Variants in TNS3 observed in about 807,000 individuals in gnomAD.
The protein encoded by TNS3 is tensin 3.
TNS3 carries 45 observed loss-of-function variants against 140.9 expected under a neutral mutation model. The ratio of observed to expected loss-of-function variants is 0.32; its 90% CI spans 0.25 to 0.41. The LOEUF is 0.41. Among genes scored for constraint, TNS3 ranks in the 10% least tolerant of loss-of-function variants. The probability of loss-of-function intolerance (pLI) is 1.00; values close to 1 mark genes in which losing one functional copy is unlikely to be tolerated. For missense variants in TNS3, 1,716 were observed against 1,906.7 expected (o/e 0.90, Z 1.86); for synonymous variants, 815 against 788.4 (o/e 1.03, Z -0.56).
intron 3 of TNS3, among the ~76,000 whole-genome samples, chr7:47,495,320 G>A (rs764636570): frequency 2.6e-5 from 4 of 152,092 alleles, no homozygotes; most frequent in African/African-American, 7.2e-5. Flanking sequence ...CTTCAGTGCC[G>A]CACATCAACT....
intron 17 of TNS3, among the ~76,000 whole-genome samples, chr7:47,366,918 G>A (rs901687538): frequency 3.3e-5 from 5 of 152,188 alleles, no homozygotes; most frequent in African/African-American, 7.2e-5. Context: ...TCACATGCAC[G>A]GCGTCACACA....
chr7:47,292,979 T>C (rs2150620096), intron 25 of TNS3, 74 bp from the exon 26 acceptor site: 3 of 1,358,894 alleles, frequency 2.2e-6, no homozygotes, highest in Non-Finnish European at 3.1e-6. Context: ...ATTTATCAGC[T>C]GGAATGAAAC....
intron 4 of TNS3, among the ~76,000 whole-genome samples, chr7:47,454,602 G>A (rs1439186669): frequency 6.9e-6 from 1 of 145,792 alleles, no homozygotes; most frequent in East Asian, 2.0e-4. Flanking sequence ...ATGGGGAGGG[G>A]CTGCTCTGGG....
At chr7:47,347,867 G>A (rs1257061044) in intron 17 of TNS3, among the ~76,000 whole-genome samples, 1 of 152,144 alleles carries the variant, frequency 6.6e-6, no homozygotes. Context: ...GGTAAAATGA[G>A]CATAATGCTT....
intron 4 of TNS3, among the ~76,000 whole-genome samples, chr7:47,477,285 G>A (rs963181579): frequency 1.3e-5 from 2 of 152,132 alleles, no homozygotes; most frequent in East Asian, 1.9e-4. Flanking sequence ...AGCTCACCTC[G>A]ATAAAACATG....
intron 1 of TNS3, among the ~76,000 whole-genome samples, chr7:47,530,412 CAT>C (rs1037797323): frequency 1.3e-5 from 2 of 151,992 alleles, no homozygotes; most frequent in Non-Finnish European, 2.9e-5. Context: ...ACCAACATAA[CAT>C]ATGTGTAATG....
chr7:47,446,469 T>A (rs548645559), intron 4 of TNS3, among the ~76,000 whole-genome samples: 1 of 152,168 alleles, frequency 6.6e-6, no homozygotes, highest in East Asian at 1.9e-4. Context: ...CTTCTTTTGT[T>A]CTCTTGTTTT....
At chr7:47,327,476 A>T (rs951116914) in intron 20 of TNS3, among the ~76,000 whole-genome samples, 1 of 152,150 alleles carries the variant, frequency 6.6e-6, no homozygotes, top group Non-Finnish European at 1.5e-5. Context: ...GCTGCCCGGG[A>T]TCCCTCAAGG....
intron 17 of TNS3, among the ~76,000 whole-genome samples, chr7:47,349,305 C>T (rs1433912248): frequency 1.3e-5 from 2 of 152,250 alleles, no homozygotes; most frequent in South Asian, 2.1e-4. Flanking sequence ...GTCCCACCTC[C>T]GGTGCTTGTG....
rs1162294865 is a variant in TNS3 at position 47,344,758 on chromosome 7, G to C, written c.2647C>G (p.Arg883Gly). Reference sequence around the variant, plus strand: ...GACCCGCGGGTAGATTTCTTACCACGTCCTCCTTTGTGCTGACTGGCTGGG... The same window carrying C: ...GACCCGCGGGTAGATTTCTTACCACCTCCTCCTTTGTGCTGACTGGCTGGG... ...SSPASQHKGG[R>G]EPRSCPETLT... The change falls in exon 20 of 31, where the codon CGT (arginine) becomes GGT (glycine). Residue 883 changes from arginine to glycine, a missense_variant. Physicochemically the swap from Arg to Gly is moderately radical, Grantham distance 125 (BLOSUM62 -2). Around this residue, in one of 3 missense-constraint regions of TNS3, gnomAD observed 1,163 missense variants for 1,182.1 expected, o/e 0.98. Coordinates refer to ENST00000311160, the MANE Select transcript of TNS3 (RefSeq NM_022748.12). 3 of 1,611,280 alleles carry C rather than the reference G, an allele frequency of 1.9e-6. No individual in the cohort carries two copies. The highest frequency in any genetic ancestry group is 2.5e-6 in the Non-Finnish European group (3 of 1,179,090).
At position 47,302,929 on chromosome 7, in the gene TNS3, A is replaced by C. The variant is rs976674041; in HGVS notation, c.3457+21T>G. The C allele has an allele frequency of 3.2e-6, 5 of 1,574,044 alleles. No individual in the cohort carries two copies. In the African/African-American group the frequency reaches 6.8e-5, roughly 21 times the overall value. ...GTGAATGGACAGAGGGGCCCTTCCA[A>C]CCAGCTGGAAACACACCTACCTGGC... On this transcript the variant is annotated intron_variant, in intron 22 of 30. Coordinates refer to ENST00000311160, the MANE Select transcript of TNS3 (RefSeq NM_022748.12).
intron 4 of TNS3, among the ~76,000 whole-genome samples, chr7:47,469,081 A>G: frequency 6.6e-6 from 1 of 152,222 alleles, no homozygotes. Context: ...CGTATATAAA[A>G]ACTAACCCAA....
At chr7:47,492,029 T>C (rs1224754605) in intron 3 of TNS3, among the ~76,000 whole-genome samples, 2 of 152,228 alleles carry the variant, frequency 1.3e-5, no homozygotes, top group Non-Finnish European at 2.9e-5. Flanking sequence ...GATTTATTCA[T>C]GTTTAACATA....
chr7:47,451,648 A>T (rs1285492106), intron 4 of TNS3, among the ~76,000 whole-genome samples: 1 of 152,224 alleles, frequency 6.6e-6, no homozygotes, highest in African/African-American at 2.4e-5. Flanking sequence ...GACTATGAAC[A>T]GCCCGGTGAC....
intron 1 of TNS3, among the ~76,000 whole-genome samples, chr7:47,548,268 G>A (rs1234489916): frequency 6.6e-6 from 1 of 152,092 alleles, no homozygotes; most frequent in Non-Finnish European, 1.5e-5. Flanking sequence ...ACAGCCTGCT[G>A]TAACACATCC....
chr7:47,495,352 G>C (rs1486115014), intron 3 of TNS3, among the ~76,000 whole-genome samples: 1 of 152,224 alleles, frequency 6.6e-6, no homozygotes, highest in African/African-American at 2.4e-5. Context: ...CTGTGGTCTA[G>C]GGGGCTGAGA....
chr7:47,562,236 C>G (rs1412447080), intron 1 of TNS3, among the ~76,000 whole-genome samples: 1 of 152,118 alleles, frequency 6.6e-6, no homozygotes, highest in Non-Finnish European at 1.5e-5. Context: ...AATGGAAAAG[C>G]CAGCTCATTT....
chr7:47,463,706 G>A (rs1796585713), intron 4 of TNS3, among the ~76,000 whole-genome samples: 1 of 152,080 alleles, frequency 6.6e-6, no homozygotes, highest in Admixed American at 6.5e-5. Flanking sequence ...TTGAAACAAG[G>A]AAGAGCTTTG....
At chr7:47,356,326 C>T (rs1789994191) in intron 17 of TNS3, among the ~76,000 whole-genome samples, 4 of 152,174 alleles carry the variant, frequency 2.6e-5, no homozygotes, top group Admixed American at 6.5e-5. Flanking sequence ...TTTAAAAACT[C>T]CCTAGTGTTT....
Sources: gnomAD v4.1 joint callset for allele counts (sites outside exome capture counted in the v4.1 genomes callset) on GRCh38, gnomAD v4.1.1 for gene constraint, gnomAD v4.1.1 regional missense constraint, MANE v1.5 for transcripts, NCBI Gene and HGNC (gene_info 2026-07-23, HGNC 2026-07-21) for gene names.